The following PDE10A variants were observed in gnomAD, a reference collection of about 807,000 sequenced individuals.
The protein encoded by PDE10A is phosphodiesterase 10A, also known as cAMP and cAMP-inhibited cGMP 3',5'-cyclic phosphodiesterase 10A.
PDE10A carries 39 observed loss-of-function variants against 97.7 expected under a neutral mutation model. The ratio of observed to expected loss-of-function variants is 0.40; its 90% CI spans 0.31 to 0.52. The LOEUF is 0.52. PDE10A is among the 20% of genes least tolerant of loss of function. The pLI is 0.56. For missense variants in PDE10A, 731 were observed against 1,047.8 expected, an observed-to-expected ratio of 0.70 and a Z score of 4.17; for synonymous variants, 371 against 376.8, an observed-to-expected ratio of 0.98 and a Z score of 0.18.
intron 1 of PDE10A, among the ~76,000 whole-genome samples, chr6:165,546,211 C>G (rs1783730911): frequency 6.6e-6 from 1 of 151,998 alleles, no homozygotes; most frequent in Admixed American, 6.6e-5. Flanking sequence ...GGAGAAAAGG[C>G]ATAAGCTGCA....
intron 1 of PDE10A, among the ~76,000 whole-genome samples, chr6:165,759,409 C>A (rs897079855): frequency 2.0e-5 from 3 of 152,134 alleles, no homozygotes; most frequent in Non-Finnish European, 4.4e-5. Flanking sequence ...CAGGCGAGGA[C>A]CTGCCCACTT....
chr6:165,663,677 A>C (rs1479219602), upstream of PDE10A, among the ~76,000 whole-genome samples: 4 of 152,206 alleles, frequency 2.6e-5, no homozygotes, highest in Non-Finnish European at 5.9e-5. Flanking sequence ...GTTCCTCCCC[A>C]GGACTCCCTT....
In PDE10A at chr6:165,655,585, G is replaced by A. The variant is rs1429616128; in HGVS notation, c.865+6362C>T. ...GCATTTTGCTTCTACCATCATCGCC[G>A]TGATCCAAGTTACCATTGCTCTTGT... On this transcript the variant is annotated intron_variant, in intron 1 of 21. Transcript: ENST00000539869. This position sits in a 1 kb window ranked among gnomAD's most constrained non-coding sequence, Gnocchi z 4.5. Among the ~76,000 whole-genome samples the A allele has an allele frequency of 2.0e-5, 3 of 151,996 alleles. No individual in the cohort carries two copies. Among genetic ancestry groups the A allele is most frequent in the Non-Finnish European group, 4.4e-5 (3 of 68,028 alleles).
chr6:165,493,852 T>C (rs368051609), intron 2 of PDE10A, among the ~76,000 whole-genome samples: 3 of 151,874 alleles, frequency 2.0e-5, no homozygotes, highest in African/African-American at 7.3e-5. Flanking sequence ...AGCTTCTGCA[T>C]AGCAAAAGAA....
rs1781410174 is a variant in PDE10A at position 165,332,760 on chromosome 6, G to C, written c.*265C>G. On this transcript the variant is annotated 3_prime_UTR_variant, in exon 22 of 22. Coordinates refer to ENST00000539869, the MANE Select transcript of PDE10A (RefSeq NM_001385079.1). ...AATATTAGCCTATTAGAAAAGGCTG[G>C]TTTGCAAGTCAAATGGAGTCACTTG... is the stretch of plus-strand genomic sequence containing the variant. 1 of 448,714 alleles carries C rather than the reference G, an allele frequency of 2.2e-6. No homozygotes were observed. 27.8% of individuals were successfully genotyped at this position (448,714 alleles called of 1,614,324 possible). A position where few individuals can be genotyped will look rare whatever the true frequency, so the allele number is the denominator to read the frequency against.
chr6:165,400,597 A>G (rs1786576260), intron 13 of PDE10A, among the ~76,000 whole-genome samples: 1 of 152,230 alleles, frequency 6.6e-6, no homozygotes, highest in South Asian at 2.1e-4. Context: ...ACTGGAACAC[A>G]TGCTGTGATT....
At chr6:165,974,868 C>T (rs1784802435) in intron 1 of PDE10A, among the ~76,000 whole-genome samples, 1 of 152,242 alleles carries the variant, frequency 6.6e-6, no homozygotes, top group Non-Finnish European at 1.5e-5. Flanking sequence ...TCGTGCCTCT[C>T]TGCACAGTTT....
chr6:165,634,320 G>A (rs1261799902), intron 1 of PDE10A, among the ~76,000 whole-genome samples: 1 of 152,160 alleles, frequency 6.6e-6, no homozygotes, highest in Non-Finnish European at 1.5e-5. Flanking sequence ...GGTTTCTTGA[G>A]AGAACAGGGC....
At chr6:165,559,728 G>A (rs1784430952) in intron 1 of PDE10A, among the ~76,000 whole-genome samples, 1 of 152,150 alleles carries the variant, frequency 6.6e-6, no homozygotes, top group African/African-American at 2.4e-5. Flanking sequence ...ATTCCCACGT[G>A]TTGCGGGAGG....
At chr6:165,638,049 A>G (rs549462764) in intron 1 of PDE10A, among the ~76,000 whole-genome samples, 1 of 152,210 alleles carries the variant, frequency 6.6e-6, no homozygotes, top group South Asian at 2.1e-4. Flanking sequence ...TGTCAGTAAC[A>G]TCTCTTTTTA....
intron 1 of PDE10A, among the ~76,000 whole-genome samples, chr6:165,922,129 A>C (rs972935380): frequency 1.3e-5 from 2 of 152,230 alleles, no homozygotes; most frequent in African/African-American, 2.4e-5. Flanking sequence ...GTCAAAGACA[A>C]CCTCAAGATT....
chr6:165,526,117 A>T (rs187408582), intron 2 of PDE10A, among the ~76,000 whole-genome samples: 5 of 152,324 alleles, frequency 3.3e-5, no homozygotes, highest in Admixed American at 2.6e-4. Flanking sequence ...TTCCCCAAGG[A>T]GACCTCCGGC....
chr6:165,567,672 A>G (rs1784841018), intron 1 of PDE10A, among the ~76,000 whole-genome samples: 1 of 152,148 alleles, frequency 6.6e-6, no homozygotes, highest in Admixed American at 6.5e-5. Flanking sequence ...AAATATATAT[A>G]TAATTTATCG....
chr6:165,835,773 G>A (rs111265682), intron 1 of PDE10A, among the ~76,000 whole-genome samples: 45 of 152,250 alleles, frequency 3.0e-4, no homozygotes, highest in African/African-American at 9.6e-4. Context: ...AGCCAGCAGC[G>A]TACAGGAGGA....
intron 1 of PDE10A, among the ~76,000 whole-genome samples, chr6:165,946,321 C>A (rs1325434521): frequency 6.6e-6 from 1 of 151,840 alleles, no homozygotes; most frequent in Non-Finnish European, 1.5e-5. Context: ...ACAGTGAAAC[C>A]CCCTCTCTAC....
At chr6:165,742,036 A>G (rs1202348212) in intron 1 of PDE10A, among the ~76,000 whole-genome samples, 1 of 152,224 alleles carries the variant, frequency 6.6e-6, no homozygotes, top group East Asian at 1.9e-4. Flanking sequence ...AGGTCATGAC[A>G]ATCATCACAG....
At chr6:165,587,390 G>C (rs568535403) in intron 1 of PDE10A, among the ~76,000 whole-genome samples, 3 of 152,336 alleles carry the variant, frequency 2.0e-5, no homozygotes, top group African/African-American at 7.2e-5. Flanking sequence ...ATGCACAGCA[G>C]CAATTTACGG....
At position 165,929,588 on chromosome 6, in the gene PDE10A, A is replaced by C. The variant is rs115999634; in HGVS notation, c.-615+57941T>G. Among the ~76,000 whole-genome samples, 1,081 of 152,328 alleles carry C rather than the reference A, an allele frequency of 7.1e-3. 14 individuals carry two copies. The highest frequency in any genetic ancestry group is 0.023 in the African/African-American group (949 of 41,574). ...GTCCCATGCCCCAGCTAGCAGCCCCATGTGTGCAGGGCCTTCAGTGCTGCT... is the reference window on the plus strand; with the variant it reads ...GTCCCATGCCCCAGCTAGCAGCCCCCTGTGTGCAGGGCCTTCAGTGCTGCT... On this transcript the variant is annotated intron_variant, in intron 1 of 19. Transcript: ENST00000366882.
At chr6:165,526,252 A>T (rs1782439642) in intron 2 of PDE10A, among the ~76,000 whole-genome samples, 1 of 152,128 alleles carries the variant, frequency 6.6e-6, no homozygotes, top group Non-Finnish European at 1.5e-5. Context: ...TCTCCAGTTA[A>T]AGTAGGGGCT....
Sources: gnomAD v4.1 joint callset for allele counts (sites outside exome capture counted in the v4.1 genomes callset) on GRCh38, gnomAD v4.1.1 for gene constraint, Gnocchi (gnomAD v3.1) non-coding constraint, MANE v1.5 for transcripts, NCBI Gene and HGNC (gene_info 2026-07-23, HGNC 2026-07-21) for gene names.